Variants in CHRNA3 observed in about 807,000 individuals in gnomAD.
The protein encoded by CHRNA3 is cholinergic receptor nicotinic alpha 3 subunit.
Under a neutral mutation model 41.9 loss-of-function variants are expected in CHRNA3, and 34 were observed. That is an observed-to-expected ratio of 0.81 (90% confidence interval 0.62 to 1.08). The LOEUF (loss-of-function observed/expected upper bound fraction) is 1.08, where lower values mean the gene tolerates loss of function less well. Ranked by LOEUF, CHRNA3 falls within the 50% of genes least tolerant of loss-of-function variation. The probability of loss-of-function intolerance (pLI) is 0.00; values close to 1 mark genes in which losing one functional copy is unlikely to be tolerated. For synonymous variants in CHRNA3, 281 were observed against 265.2 expected, an observed-to-expected ratio of 1.06 and a Z score of -0.58; for missense variants, 542 against 638.3, an observed-to-expected ratio of 0.85 and a Z score of 1.63.
At position 78,617,054 on chromosome 15, in the gene CHRNA3, A is replaced by C; in HGVS notation, c.347T>G (p.Ile116Ser). 1 of 1,613,754 alleles carries C rather than the reference A, an allele frequency of 6.2e-7. No homozygotes were observed. The highest frequency in any genetic ancestry group is 1.1e-5 in the South Asian group (1 of 91,012). The change falls in exon 4 of 6, where the codon ATC becomes AGC. Residue 116 changes from isoleucine (I) to serine (S), a missense_variant. Physicochemically the swap from Ile to Ser is moderately radical, Grantham distance 142. Coordinates refer to ENST00000326828, the MANE Select transcript of CHRNA3 (RefSeq NM_000743.5). Reference sequence around the variant, plus strand: ...ATACAGCACAATGTCTGGCTTCCAGATCTTCTGTGCAGGGACACGCATGAA... The same window carrying C: ...ATACAGCACAATGTCTGGCTTCCAGCTCTTCTGTGCAGGGACACGCATGAA... ...AEFMRVPAQKIWKPDIVLYNN... is the reference protein window; with the variant it reads ...AEFMRVPAQKSWKPDIVLYNN...
chr15:78,601,734 A>AGGGGGATGACCAGCGAGGTGG lies in CHRNA3; in HGVS notation c.887_907dup (p.Pro302_Leu303insProThrSerLeuValIlePro), dbSNP rs2053202808. The stretch of plus-strand genomic sequence containing the variant: ...GGTGAACAGGAGGTACTCTCCAATC[A>AGGGGGATGACCAGCGAGGTGG]GGGGGATGACCAGCGAGGTGGAAGG... On this transcript the variant is annotated inframe_insertion, in exon 5 of 6. Coordinates refer to ENST00000326828, the MANE Select transcript of CHRNA3 (RefSeq NM_000743.5). 2.5e-6 allele frequency: 4 copies of AGGGGGATGACCAGCGAGGTGG among 1,613,238 alleles called. No individual in the cohort carries two copies. Among genetic ancestry groups the AGGGGGATGACCAGCGAGGTGG allele is most frequent in the Admixed American group, 1.7e-5 (1 of 59,992 alleles).
At chr15:78,610,967 C>T (rs543421480) in intron 4 of CHRNA3, among the ~76,000 whole-genome samples, 1 of 152,240 alleles carries the variant, frequency 6.6e-6, no homozygotes, top group South Asian at 2.1e-4. Context: ...ACTAGAAAAT[C>T]TAGAAGAAAT....
intron 4 of CHRNA3, among the ~76,000 whole-genome samples, chr15:78,615,548 G>T (rs1012439161): frequency 3.3e-5 from 5 of 152,064 alleles, no homozygotes; most frequent in Admixed American, 2.6e-4. Context: ...AAAGCAAGCT[G>T]GTCACACAGC....
At chr15:78,601,168 C>G (rs568603573) in intron 5 of CHRNA3, 85 bp downstream of exon 5, 3 of 1,404,198 alleles carry the variant, frequency 2.1e-6, no homozygotes, top group Non-Finnish European at 3.0e-6. Context: ...TTCTTAACCC[C>G]CTACCCTATG....
chr15:78,609,212 C>G (rs1033476405), intron 4 of CHRNA3, among the ~76,000 whole-genome samples: 3 of 152,084 alleles, frequency 2.0e-5, no homozygotes, highest in African/African-American at 7.2e-5. Flanking sequence ...CATTCAGATT[C>G]AGGAAATACA....
At chr15:78,618,027 G>T (rs2053491198) in intron 3 of CHRNA3, among the ~76,000 whole-genome samples, 1 of 152,190 alleles carries the variant, frequency 6.6e-6, no homozygotes, top group African/African-American at 2.4e-5. Flanking sequence ...TGTGTGGTTT[G>T]CTTGAGATCA....
In CHRNA3 at chr15:78,618,893, C is replaced by G; in HGVS notation, c.105G>C (p.Glu35Asp). Residue 35 changes from glutamate to aspartate, a missense_variant, in exon 2 of 6, where the codon GAG (glutamate) becomes GAC (aspartate). Glu to Asp is a conservative substitution (Grantham distance 45, BLOSUM62 2). Transcript: ENST00000326828. ...CAAACAGCCGCTCAAATAGACGGTG[C>G]TCAGCCTCTGAGGCCCTGGCCACTG... is the stretch of plus-strand genomic sequence containing the variant. The part of the protein sequence containing the change: ...LLPVARASEA[E>D]HRLFERLFED... 6.2e-7 allele frequency: 1 copy of G among 1,613,710 alleles called. No individual in the cohort carries two copies.
chr15:78,613,242 A>G (rs2053407967), intron 4 of CHRNA3, among the ~76,000 whole-genome samples: 1 of 152,186 alleles, frequency 6.6e-6, no homozygotes, highest in Admixed American at 6.5e-5. Flanking sequence ...AGGACTATAA[A>G]TCATGCTGTT....
At chr15:78,604,739 G>A (rs1175599053) in intron 4 of CHRNA3, among the ~76,000 whole-genome samples, 3 of 152,216 alleles carry the variant, frequency 2.0e-5, no homozygotes, top group African/African-American at 7.2e-5. Flanking sequence ...AAAGCTGGGT[G>A]TGGTGGCTCA....
intron 5 of CHRNA3, among the ~76,000 whole-genome samples, chr15:78,599,351 G>C (rs1188507308): frequency 6.6e-6 from 1 of 152,116 alleles, no homozygotes; most frequent in Non-Finnish European, 1.5e-5. Context: ...GTTAGGCAAA[G>C]TGGTGAACTA....
At chr15:78,607,350 A>G (rs1472660766) in intron 4 of CHRNA3, 2 of 152,234 alleles carry the variant, frequency 1.3e-5, no homozygotes, top group Admixed American at 6.5e-5. Flanking sequence ...CAGAGTATAC[A>G]GTGTCCATGA....
At chr15:78,618,962 C>A in intron 1 of CHRNA3, 47 bp from the exon 2 acceptor site, 1 of 1,600,682 alleles carries the variant, frequency 6.2e-7, no homozygotes, top group Non-Finnish European at 8.5e-7. Context: ...GTTACTTAAC[C>A]TCCCCCACCC....
downstream of CHRNA3, chr15:78,593,609 C>CT (rs969050221): frequency 6.1e-6 from 1 of 162,920 alleles, no homozygotes; most frequent in African/African-American, 2.4e-5. Flanking sequence ...GATTTTAAAA[C>CT]TTTTCTGCAT....
intron 5 of CHRNA3, among the ~76,000 whole-genome samples, chr15:78,600,575 T>C (rs542734216): frequency 2.0e-4 from 30 of 152,162 alleles, no homozygotes; most frequent in Non-Finnish European, 4.0e-4. Flanking sequence ...TGAGAACACA[T>C]ATACAATTAG....
In CHRNA3 at chr15:78,614,727, T is replaced by G. The variant is rs550752763; in HGVS notation, c.377+2297A>C. 6.6e-5 allele frequency among the ~76,000 whole-genome samples: 10 copies of G among 152,336 alleles called. No individual in the cohort carries two copies. The East Asian group carries it at 1.9e-3, about 29-fold the overall frequency. ...ATGTTTAAATGTAAATGTAAAAGGT[T>G]TAAATATTCAAACATTTTAACTCTA... is the stretch of plus-strand genomic sequence containing the variant. On this transcript the variant is annotated intron_variant, in intron 4 of 5. Coordinates refer to ENST00000326828, the MANE Select transcript of CHRNA3 (RefSeq NM_000743.5).
At chr15:78,609,477 T>A (rs1483164639) in intron 4 of CHRNA3, among the ~76,000 whole-genome samples, 1 of 152,178 alleles carries the variant, frequency 6.6e-6, no homozygotes, top group Non-Finnish European at 1.5e-5. Context: ...CCAGCCAAAC[T>A]AAGCTTCATA....
chr15:78,618,705 A>G, intron 2 of CHRNA3, 44 bp from the exon 3 acceptor site: 18 of 1,613,990 alleles, frequency 1.1e-5, no homozygotes, highest in Non-Finnish European at 1.4e-5. Context: ...ACAAAACAAG[A>G]CTAATTCTGG....
intron 4 of CHRNA3, among the ~76,000 whole-genome samples, chr15:78,610,107 G>A (rs2053359550): frequency 6.6e-6 from 1 of 152,128 alleles, no homozygotes; most frequent in South Asian, 2.1e-4. Context: ...AAGAGACTTA[G>A]ACTCCCACAC....
chr15:78,620,742 AGC>A lies in CHRNA3; in HGVS notation c.51_52del (p.Leu18AlafsTer17). 6.7e-7 allele frequency: 1 copy of A among 1,499,918 alleles called. No individual in the cohort carries two copies. The highest frequency in any genetic ancestry group is 1.2e-5 in the South Asian group (1 of 81,154). The allele number at this position is 1,499,918 out of a possible 1,614,324, so 92.9% of individuals were successfully genotyped here. ...CAGCAGAGACAGCAGCAGCAGCAGC[AGC>A]AGCCGCGGCGGCGACAGCGCCAGGG... On this transcript the variant is annotated frameshift_variant, in exon 1 of 6. Coordinates refer to ENST00000326828, the MANE Select transcript of CHRNA3 (RefSeq NM_000743.5). LOFTEE classifies it high-confidence loss of function.
Sources: allele counts gnomAD v4.1 joint callset (sites outside exome capture counted in the v4.1 genomes callset), GRCh38; gene constraint gnomAD v4.1.1; transcripts MANE v1.5; gene names NCBI Gene and HGNC (gene_info 2026-07-23, HGNC 2026-07-21).